The following TXLNA variants were observed in gnomAD, a reference collection of about 807,000 sequenced individuals.
TXLNA encodes alpha-taxilin.
A neutral mutation model predicts 61.4 loss-of-function variants in TXLNA; 9 were observed. The observed-to-expected ratio is 0.15, with a 90% confidence interval of 0.09 to 0.26. TXLNA has a LOEUF of 0.26. Ranked by LOEUF, TXLNA falls within the 10% of genes least tolerant of loss-of-function variation. TXLNA has a pLI of 1.00. For missense variants in TXLNA, 565 were observed against 688.8 expected (o/e 0.82, Z 2.01); for synonymous variants, 257 against 267.7 (o/e 0.96, Z 0.39).
intron 2 of TXLNA, among the ~76,000 whole-genome samples, chr1:32,180,938 T>C (rs1642641561): frequency 6.6e-6 from 1 of 152,220 alleles, no homozygotes. Flanking sequence ...TACATACTTT[T>C]ATGATCTAAC....
intron 6 of TXLNA, among the ~76,000 whole-genome samples, chr1:32,190,801 G>A (rs965909984): frequency 6.6e-6 from 1 of 152,092 alleles, no homozygotes; most frequent in Admixed American, 6.5e-5. Context: ...TCAAAAGGCA[G>A]AATTTATCAG....
chr1:32,189,830 C>G (rs778550795), intron 5 of TXLNA, among the ~76,000 whole-genome samples: 6 of 152,016 alleles, frequency 3.9e-5, no homozygotes, highest in Non-Finnish European at 7.4e-5. Context: ...CGTGAGCCAC[C>G]GCGCCTGCCA....
Position 32,192,821 on chromosome 1 carries a change from C to A in TXLNA, c.1158+90C>A. On this transcript the variant is annotated intron_variant, in intron 8 of 10. Transcript: ENST00000373610. This position sits in a 1 kb window ranked among gnomAD's most constrained non-coding sequence, Gnocchi z 4.2. ...GTGAAATGGGACCCTCATTCTAGGA[C>A]TGGCTGTGTCCTGGCTGCTATGACG... 1 of 1,350,630 alleles carries A rather than the reference C, an allele frequency of 7.4e-7. No individual in the cohort carries two copies. The highest frequency in any genetic ancestry group is 1.1e-6 in the Non-Finnish European group (1 of 948,242). The allele number at this position is 1,350,630 out of a possible 1,614,324, so 83.7% of individuals were successfully genotyped here. A position where few individuals can be genotyped will look rare whatever the true frequency, so the allele number is the denominator to read the frequency against.
At chr1:32,190,966 C>T (rs554994497) in intron 6 of TXLNA, among the ~76,000 whole-genome samples, 8 of 152,098 alleles carry the variant, frequency 5.3e-5, no homozygotes, top group Admixed American at 4.6e-4. Flanking sequence ...TGGTGGTGCA[C>T]GGCTGTAGTC....
chr1:32,181,374 AG>A lies in TXLNA; in HGVS notation c.305del (p.Gly102ValfsTer27). 6.2e-7 allele frequency: 1 copy of A among 1,614,208 alleles called. No homozygotes were observed. Among genetic ancestry groups the A allele is most frequent in the Non-Finnish European group, 8.5e-7 (1 of 1,180,042 alleles). ...NQGGPGEDGAQGEPAEPEDAE... is the reference protein window; with the variant it reads ...NQGGPGEDGAXGEPAEPEDAE... ...GGGGGCCCCGGCGAGGATGGGGCACAGGGTGAGCCGGCTGAACCCGAAGATG... is the reference window on the plus strand; with the variant it reads ...GGGGGCCCCGGCGAGGATGGGGCACAGGTGAGCCGGCTGAACCCGAAGATG... On this transcript the variant is annotated frameshift_variant, in exon 3 of 11. Coordinates refer to ENST00000373610, the MANE Select transcript of TXLNA (RefSeq NM_175852.4). LOFTEE classifies it high-confidence loss of function.
chr1:32,183,603 A>AT (rs1410923272), intron 3 of TXLNA, among the ~76,000 whole-genome samples: 8 of 108,720 alleles, frequency 7.4e-5, no homozygotes, highest in South Asian at 2.9e-4. Context: ...ATTTTTTTGT[A>AT]TTTTTTTTAG....
Position 32,181,470 on chromosome 1 carries a change from A to ATTT in TXLNA, c.398_399insTTT (p.Lys133delinsAsnLeu). The ATTT allele has an allele frequency of 6.2e-7, 1 of 1,613,632 alleles. No individual in the cohort carries two copies. The highest frequency in any genetic ancestry group is 1.1e-5 in the South Asian group (1 of 90,964). ...CCAACTCCAGTAGTCAATGGAGAGA[A>ATTT]GGAACCCTCCAAGGGGGATCCAAAC... is the stretch of plus-strand genomic sequence containing the variant. On this transcript the variant is annotated protein_altering_variant, in exon 3 of 11. Coordinates refer to ENST00000373610, the MANE Select transcript of TXLNA (RefSeq NM_175852.4).
At chr1:32,184,330 T>C (rs1221359188) in intron 3 of TXLNA, among the ~76,000 whole-genome samples, 195 bp from the exon 4 acceptor site, 1 of 152,204 alleles carries the variant, frequency 6.6e-6, no homozygotes, top group Admixed American at 6.5e-5. Flanking sequence ...TCCTCTGTGA[T>C]GGTACTATGG....
At chr1:32,184,104 G>T (rs1459282761) in intron 3 of TXLNA, among the ~76,000 whole-genome samples, 1 of 152,190 alleles carries the variant, frequency 6.6e-6, no homozygotes, top group Non-Finnish European at 1.5e-5. Context: ...ATTTCTCAAG[G>T]AGGCTAAGAT....
At chr1:32,185,928 G>A (rs926291914) in intron 4 of TXLNA, among the ~76,000 whole-genome samples, 1 of 151,738 alleles carries the variant, frequency 6.6e-6, no homozygotes, top group Non-Finnish European at 1.5e-5. Flanking sequence ...TTGATCTCTT[G>A]GCCTCGTGAT....
chr1:32,189,618 C>T (rs1237810544), intron 5 of TXLNA, among the ~76,000 whole-genome samples: 1 of 151,442 alleles, frequency 6.6e-6, no homozygotes, highest in African/African-American at 2.4e-5. Context: ...GATCATAGCT[C>T]ACCACAACCT....
In TXLNA at chr1:32,195,606, G is replaced by C; in HGVS notation, c.*411G>C. ...GAGCTCAAGACAAGTAATACACCCA[G>C]GTCTTGACTGCATTTGTCTTGTGAG... On this transcript the variant is annotated 3_prime_UTR_variant, in exon 11 of 11. Transcript: ENST00000373610. The C allele has an allele frequency of 2.4e-6, 1 of 411,082 alleles. No individual in the cohort carries two copies. The highest frequency in any genetic ancestry group is 1.8e-5 in the South Asian group (1 of 55,902). The allele number at this position is 411,082 out of a possible 1,614,324, so 25.5% of individuals were successfully genotyped here. A position where few individuals can be genotyped will look rare whatever the true frequency, so the allele number is the denominator to read the frequency against.
intron 4 of TXLNA, among the ~76,000 whole-genome samples, chr1:32,185,629 T>TGACCTCGTGATCCGCC (rs1642772983): frequency 6.6e-6 from 1 of 150,502 alleles, no homozygotes; most frequent in Non-Finnish European, 1.5e-5. Flanking sequence ...CTCGATCTCT[T>TGACCTCGTGATCCGCC]GACCTCGTGA....
In TXLNA at chr1:32,188,102, A is replaced by G; in HGVS notation, c.746A>G (p.Gln249Arg). ...SKLESLCREL[Q>R]RHNRSLKEEG... Reference sequence around the variant, plus strand: ...CTTGAGAGCCTATGCCGTGAGCTGCAGCGGCACAACCGCTCCCTCAAGGTA... The same window carrying G: ...CTTGAGAGCCTATGCCGTGAGCTGCGGCGGCACAACCGCTCCCTCAAGGTA... The change falls in exon 5 of 11, where the codon CAG (glutamine) becomes CGG (arginine). Residue 249 changes from glutamine (Q) to arginine (R), a missense_variant. This residue lies in a region of TXLNA where 373 missense variants were observed against 504.0 expected (regional missense o/e 0.74). Transcript: ENST00000373610. 1 of 1,570,498 alleles carries G rather than the reference A, an allele frequency of 6.4e-7. No individual in the cohort carries two copies. The highest frequency in any genetic ancestry group is 8.6e-7 in the Non-Finnish European group (1 of 1,156,794).
At position 32,192,093 on chromosome 1, in the gene TXLNA, T is replaced by C. The variant is rs140924305; in HGVS notation, c.964-218T>C. 5.9e-5 allele frequency among the ~76,000 whole-genome samples: 9 copies of C among 152,360 alleles called. No individual in the cohort carries two copies. Among genetic ancestry groups the C allele is most frequent in the African/African-American group, 1.9e-4 (8 of 41,598 alleles). On this transcript the variant is annotated intron_variant, in intron 6 of 10. Coordinates refer to ENST00000373610, the MANE Select transcript of TXLNA (RefSeq NM_175852.4). This position sits in a 1 kb window ranked among gnomAD's most constrained non-coding sequence, Gnocchi z 4.2. ...GGGAGCAGATTCCATCCATAAACCA[T>C]GTGCTTACCAAGGTCTGACTCACTG...
At chr1:32,190,540 C>G (rs1431771266) in intron 6 of TXLNA, among the ~76,000 whole-genome samples, 1 of 152,148 alleles carries the variant, frequency 6.6e-6, no homozygotes, top group Non-Finnish European at 1.5e-5. Flanking sequence ...CATGTATGGA[C>G]TGTGTGTTAT....
rs1035485011 is a variant in TXLNA at position 32,196,654 on chromosome 1, C to G, written c.*1459C>G. 1.3e-5 allele frequency: 2 copies of G among 152,246 alleles called. No homozygotes were observed. Among genetic ancestry groups the G allele is most frequent in the African/African-American group, 4.8e-5 (2 of 41,444 alleles). The allele number at this position is 152,246 out of a possible 1,614,324, so 9.4% of individuals were successfully genotyped here. A position where few individuals can be genotyped will look rare whatever the true frequency, so the allele number is the denominator to read the frequency against. ...GCCAGTGTTTGTGCCAAGCAGTTTT[C>G]TGGGACAACAGAATGACTCAGACCA... On this transcript the variant is annotated 3_prime_UTR_variant, in exon 11 of 11. Coordinates refer to ENST00000373610, the MANE Select transcript of TXLNA (RefSeq NM_175852.4).
At chr1:32,185,786 C>A (rs1452117515) in intron 4 of TXLNA, among the ~76,000 whole-genome samples, 1 of 151,606 alleles carries the variant, frequency 6.6e-6, no homozygotes, top group Non-Finnish European at 1.5e-5. Flanking sequence ...GCAACCTCCA[C>A]CTCCCAGGTT....
chr1:32,182,383 G>A (rs1345945594), intron 3 of TXLNA, among the ~76,000 whole-genome samples: 1 of 152,100 alleles, frequency 6.6e-6, no homozygotes, highest in African/African-American at 2.4e-5. Context: ...AGTCTAGGCC[G>A]GGTGTGGTGG....
Sources: allele counts gnomAD v4.1 joint callset (sites outside exome capture counted in the v4.1 genomes callset), GRCh38; gene constraint gnomAD v4.1.1; regional missense constraint gnomAD v4.1.1; non-coding constraint Gnocchi (gnomAD v3.1); transcripts MANE v1.5; gene names NCBI Gene and HGNC (gene_info 2026-07-23, HGNC 2026-07-21).